EPB41L4B: variants seen among roughly 807,000 people sequenced by gnomAD.
EPB41L4B encodes band 4.1-like protein 4B.
Under a neutral mutation model 112.5 loss-of-function variants are expected in EPB41L4B, and 30 were observed. The observed-to-expected ratio is 0.27, with a 90% confidence interval of 0.20 to 0.36. The LOEUF (loss-of-function observed/expected upper bound fraction) is 0.36, where lower values mean the gene tolerates loss of function less well. EPB41L4B is among the 10% of genes least tolerant of loss of function. EPB41L4B has a pLI of 1.00. For synonymous variants in EPB41L4B, 408 were observed against 439.7 expected (o/e 0.93, Z 0.90); for missense variants, 1,024 against 1,133.3 (o/e 0.90, Z 1.38).
chr9:109,238,468 A>G (rs1834230413), intron 15 of EPB41L4B, among the ~76,000 whole-genome samples: 1 of 152,204 alleles, frequency 6.6e-6, no homozygotes, highest in Non-Finnish European at 1.5e-5. Flanking sequence ...CTGGTTAGAC[A>G]TCTCCTTTCA....
intron 1 of EPB41L4B, among the ~76,000 whole-genome samples, chr9:109,283,508 A>G (rs1435511207): frequency 3.3e-5 from 5 of 152,148 alleles, no homozygotes; most frequent in Admixed American, 1.3e-4. Context: ...TCATCTCTCC[A>G]CCACAGGGAC....
Position 109,216,915 on chromosome 9 carries a change from T to G in EPB41L4B, c.1633+7A>C. 6.2e-7 allele frequency: 1 copy of G among 1,613,758 alleles called. No homozygotes were observed. The highest frequency in any genetic ancestry group is 1.1e-5 in the South Asian group (1 of 91,068). ...TCTCCTGCCTTGCCCCCTCCACCCC[T>G]ACTCACTTGTAAGGGACTTGCTGCT... On this transcript the variant is annotated splice_region_variant and intron_variant, in intron 16 of 25. Coordinates refer to ENST00000374566, the MANE Select transcript of EPB41L4B (RefSeq NM_019114.5).
At chr9:109,261,177 T>C (rs1391913788) in intron 6 of EPB41L4B, among the ~76,000 whole-genome samples, 1 of 152,210 alleles carries the variant, frequency 6.6e-6, no homozygotes, top group Admixed American at 6.5e-5. Flanking sequence ...TTATAGCACT[T>C]GCCATAAAGA....
At chr9:109,231,668 T>C (rs941030300) in intron 15 of EPB41L4B, among the ~76,000 whole-genome samples, 8 of 152,216 alleles carry the variant, frequency 5.3e-5, no homozygotes, top group Non-Finnish European at 8.8e-5. Flanking sequence ...CTTCCATCTC[T>C]GAGTCTGGAA....
At chr9:109,288,512 A>AG (rs1364710045) in intron 1 of EPB41L4B, among the ~76,000 whole-genome samples, 1 of 151,934 alleles carries the variant, frequency 6.6e-6, no homozygotes, top group Non-Finnish European at 1.5e-5. Flanking sequence ...CAAGGTCAGG[A>AG]GATCAAGACC....
chr9:109,268,941 A>G (rs1835511208), intron 2 of EPB41L4B, among the ~76,000 whole-genome samples: 1 of 151,022 alleles, frequency 6.6e-6, no homozygotes, highest in Middle Eastern at 3.4e-3. Flanking sequence ...ATATATGTGC[A>G]TTTTTCTGGG....
chr9:109,313,117 A>G (rs1368513444), intron 1 of EPB41L4B, among the ~76,000 whole-genome samples: 1 of 151,768 alleles, frequency 6.6e-6, no homozygotes, highest in African/African-American at 2.4e-5. Flanking sequence ...TCCAGCCCAC[A>G]CTTCAGTTGC....
intron 24 of EPB41L4B, 29 bp from the exon 25 acceptor site, chr9:109,176,725 A>G: frequency 6.2e-7 from 1 of 1,612,460 alleles, no homozygotes; most frequent in South Asian, 1.1e-5. Context: ...AGAGGAGATC[A>G]ATCTCAATTT....
chr9:109,279,235 A>G (rs1588202634), intron 2 of EPB41L4B, among the ~76,000 whole-genome samples: 1 of 149,508 alleles, frequency 6.7e-6, no homozygotes, highest in South Asian at 2.1e-4. Context: ...TTACTCTGTC[A>G]CCCAGGCTGG....
At chr9:109,243,845 T>C (rs1007600559) in intron 14 of EPB41L4B, among the ~76,000 whole-genome samples, 163 bp from the exon 15 acceptor site, 1 of 152,222 alleles carries the variant, frequency 6.6e-6, no homozygotes, top group Non-Finnish European at 1.5e-5. Context: ...ACGATCACGT[T>C]TCCCCCTCTG....
intron 5 of EPB41L4B, 74 bp downstream of exon 5, chr9:109,264,906 G>T (rs1835344446): frequency 1.4e-6 from 2 of 1,385,064 alleles, no homozygotes; most frequent in African/African-American, 2.9e-5. Context: ...GGGTAAAAGA[G>T]TTAAAACAGT....
intron 15 of EPB41L4B, among the ~76,000 whole-genome samples, chr9:109,236,843 G>GC (rs1458195161): frequency 6.6e-6 from 1 of 152,148 alleles, no homozygotes; most frequent in Non-Finnish European, 1.5e-5. Context: ...CTTCGCCTCT[G>GC]CATCTGTCCA....
intron 15 of EPB41L4B, among the ~76,000 whole-genome samples, chr9:109,233,533 T>G (rs1316028122): frequency 6.7e-6 from 1 of 149,972 alleles, no homozygotes; most frequent in East Asian, 1.9e-4. Flanking sequence ...AACCTACTTT[T>G]TTTTTTTTTT....
chr9:109,265,106 C>G (rs962106643), intron 4 of EPB41L4B, 82 bp from the exon 5 acceptor site: 8 of 1,083,908 alleles, frequency 7.4e-6, no homozygotes, highest in Admixed American at 2.4e-5. Context: ...GCAAACCCCA[C>G]CCCACACACA....
At chr9:109,184,394 A>G (rs896230924) in intron 23 of EPB41L4B, among the ~76,000 whole-genome samples, 2 of 152,024 alleles carry the variant, frequency 1.3e-5, no homozygotes, top group Admixed American at 6.6e-5. Context: ...TAACTTTTGT[A>G]TTTTTAATAG....
chr9:109,224,218 C>T (rs1271699052), intron 15 of EPB41L4B, among the ~76,000 whole-genome samples: 1 of 151,968 alleles, frequency 6.6e-6, no homozygotes, highest in Non-Finnish European at 1.5e-5. Context: ...GAAAACAGGT[C>T]CATGCAAAAA....
At chr9:109,213,596 T>C (rs1833256276) in intron 17 of EPB41L4B, 104 bp downstream of exon 17, 1 of 899,716 alleles carries the variant, frequency 1.1e-6, no homozygotes, top group Admixed American at 1.9e-5. Flanking sequence ...TAGAGATCCC[T>C]CCAAGGCAAA....
Position 109,320,500 on chromosome 9 carries a change from G to C in EPB41L4B, c.-54C>G. On this transcript the variant is annotated 5_prime_UTR_variant, in exon 1 of 26. Coordinates refer to ENST00000374566, the MANE Select transcript of EPB41L4B (RefSeq NM_019114.5). Reference sequence around the variant, plus strand: ...CCCCTGCGCTGCCGCTGCCGCTGCCGCTGCCGCTGCGCCGCCGCCCGGGAG... The same window carrying C: ...CCCCTGCGCTGCCGCTGCCGCTGCCCCTGCCGCTGCGCCGCCGCCCGGGAG... 1 of 834,566 alleles carries C rather than the reference G, an allele frequency of 1.2e-6. No individual in the cohort carries two copies. Among genetic ancestry groups the C allele is most frequent in the Non-Finnish European group, 1.4e-6 (1 of 692,510 alleles). The allele number at this position is 834,566 out of a possible 1,614,324, so 51.7% of individuals were successfully genotyped here.
At chr9:109,282,940 C>T (rs1381498016) in intron 1 of EPB41L4B, among the ~76,000 whole-genome samples, 1 of 152,054 alleles carries the variant, frequency 6.6e-6, no homozygotes, top group Admixed American at 6.6e-5. Context: ...CCTCGGCGTC[C>T]CAAAGTGCTG....
Sources: allele counts gnomAD v4.1 joint callset (sites outside exome capture counted in the v4.1 genomes callset), GRCh38; gene constraint gnomAD v4.1.1; transcripts MANE v1.5; gene names NCBI Gene and HGNC (gene_info 2026-07-23, HGNC 2026-07-21).